MAN2A1: variants seen among roughly 807,000 people sequenced by gnomAD.
The protein encoded by MAN2A1 is mannosidase alpha class 2A member 1.
A neutral mutation model predicts 142.6 loss-of-function variants in MAN2A1; 76 were observed. The ratio of observed to expected loss-of-function variants is 0.53; its 90% CI spans 0.44 to 0.65. The LOEUF is 0.65. Ranked by LOEUF, MAN2A1 falls within the 30% of genes least tolerant of loss-of-function variation. The pLI is 0.00. For synonymous variants in MAN2A1, 559 were observed against 473.2 expected, an observed-to-expected ratio of 1.18 and a Z score of -2.35; for missense variants, 1,311 against 1,365.1, an observed-to-expected ratio of 0.96 and a Z score of 0.62.
At chr5:109,736,583 A>G (rs1338388793) in intron 4 of MAN2A1, among the ~76,000 whole-genome samples, 4 of 151,982 alleles carry the variant, frequency 2.6e-5, no homozygotes, top group African/African-American at 9.7e-5. Context: ...AATATTTCGT[A>G]TTTTCTAAGA....
chr5:109,729,770 A>G (rs1751849266), intron 4 of MAN2A1, among the ~76,000 whole-genome samples: 1 of 152,154 alleles, frequency 6.6e-6, no homozygotes, highest in Non-Finnish European at 1.5e-5. Context: ...AGGTGGGCGG[A>G]TCACCTGAGG....
At chr5:109,799,409 C>A (rs1266881729) in intron 12 of MAN2A1, among the ~76,000 whole-genome samples, 1 of 152,056 alleles carries the variant, frequency 6.6e-6, no homozygotes, top group Non-Finnish European at 1.5e-5. Flanking sequence ...CTTGGACACT[C>A]CATTTTTTGT....
At chr5:109,714,307 T>G (rs1124946) in intron 2 of MAN2A1, among the ~76,000 whole-genome samples, 113,201 of 151,974 alleles carry the variant, frequency 0.74, 43,372 homozygotes, top group East Asian at 0.94. Context: ...TGTGGCTTGA[T>G]ATGTGCTGTA....
At chr5:109,727,731 T>A (rs1193170837) in intron 3 of MAN2A1, among the ~76,000 whole-genome samples, 1 of 152,202 alleles carries the variant, frequency 6.6e-6, no homozygotes, top group African/African-American at 2.4e-5. Flanking sequence ...TCTGAGCACT[T>A]GATGTTTTTT....
rs967000881 is a variant in MAN2A1, at chr5:109,729,578, T to C, written c.707+65T>C. ...GCTTAATTGTACAATGAACTAAGTA[T>C]TGAATTTTTAGATGGTGAAAATTCT... On this transcript the variant is annotated intron_variant, in intron 4 of 21. Transcript: ENST00000261483. 7.2e-6 allele frequency: 6 copies of C among 837,660 alleles called. No individual in the cohort carries two copies. The African/African-American group carries it at 1.1e-4, about 15-fold the overall frequency. 51.9% of individuals were successfully genotyped at this position (837,660 alleles called of 1,614,324 possible).
chr5:109,693,137 A>G (rs940980760), intron 1 of MAN2A1, among the ~76,000 whole-genome samples: 1 of 152,084 alleles, frequency 6.6e-6, no homozygotes, highest in Non-Finnish European at 1.5e-5. Context: ...TTTTGAAGCC[A>G]TAATGAATAT....
intron 7 of MAN2A1, among the ~76,000 whole-genome samples, chr5:109,770,760 T>C (rs972942873): frequency 6.6e-6 from 1 of 152,114 alleles, no homozygotes; most frequent in Non-Finnish European, 1.5e-5. Context: ...TAGATCAATA[T>C]ACAATGGATA....
chr5:109,855,117 A>G, intron 19 of MAN2A1, 23 bp from the exon 20 acceptor site: 1 of 1,423,920 alleles, frequency 7.0e-7, no homozygotes, highest in East Asian at 2.6e-5. Flanking sequence ...GACCTCTTAA[A>G]CATTTTTGTT....
chr5:109,832,161 C>CTTTTTGTTTTT (rs1754924928), intron 16 of MAN2A1, among the ~76,000 whole-genome samples: 1 of 51,228 alleles, frequency 2.0e-5, no homozygotes, highest in Non-Finnish European at 3.7e-5. Context: ...AAGGAGTTTT[C>CTTTTTGTTTTT]TTTTTTTTTT....
intron 17 of MAN2A1, among the ~76,000 whole-genome samples, chr5:109,845,093 C>T (rs1181088837): frequency 6.6e-6 from 1 of 152,166 alleles, no homozygotes; most frequent in Non-Finnish European, 1.5e-5. Flanking sequence ...TAACTTTGTA[C>T]CTCTTCTTTT....
At chr5:109,805,727 C>T (rs1337558276) in intron 12 of MAN2A1, among the ~76,000 whole-genome samples, 7 of 152,196 alleles carry the variant, frequency 4.6e-5, no homozygotes, top group Middle Eastern at 3.2e-3. Flanking sequence ...CCCGAGGTCA[C>T]ATCCAGTTAA....
intron 8 of MAN2A1, among the ~76,000 whole-genome samples, chr5:109,777,791 C>G: frequency 6.6e-6 from 1 of 152,012 alleles, no homozygotes; most frequent in East Asian, 1.9e-4. Flanking sequence ...ATATCCAGCA[C>G]CATTTATTGA....
chr5:109,828,111 AAAAAAAAG>A (rs1312427962), intron 16 of MAN2A1, among the ~76,000 whole-genome samples: 1 of 144,114 alleles, frequency 6.9e-6, no homozygotes, highest in African/African-American at 2.4e-5. Flanking sequence ...TCTCAAAAAA[AAAAAAAAG>A]AAAAAAAGAA....
intron 4 of MAN2A1, among the ~76,000 whole-genome samples, chr5:109,746,374 A>T (rs1752404885): frequency 6.6e-6 from 1 of 152,178 alleles, no homozygotes; most frequent in African/African-American, 2.4e-5. Flanking sequence ...ATGCCCCAAT[A>T]TATACAAAGG....
rs896927324 is a variant in MAN2A1, at chr5:109,811,270, T to C, written c.1944-6003T>C. ...TCATCTATTATTAAGGATGTATGTA[T>C]ATTATAGAATTGTTTTGCCCATCTC... is the stretch of plus-strand genomic sequence containing the variant. On this transcript the variant is annotated intron_variant, in intron 12 of 21. Transcript: ENST00000261483. Among the ~76,000 whole-genome samples the C allele has an allele frequency of 2.0e-5, 3 of 152,238 alleles. No individual in the cohort carries two copies. The East Asian group carries it at 5.8e-4, about 29-fold the overall frequency.
chr5:109,766,882 A>G (rs1753007301), intron 5 of MAN2A1, among the ~76,000 whole-genome samples: 1 of 152,102 alleles, frequency 6.6e-6, no homozygotes, highest in African/African-American at 2.4e-5. Flanking sequence ...TGAAATTGAG[A>G]TATATCTTTA....
At position 109,807,623 on chromosome 5, in the gene MAN2A1, C is replaced by T. The variant is rs950608230; in HGVS notation, c.1944-9650C>T. On this transcript the variant is annotated intron_variant, in intron 12 of 21. Coordinates refer to ENST00000261483, the MANE Select transcript of MAN2A1 (RefSeq NM_002372.4). The stretch of plus-strand genomic sequence containing the variant: ...CACATAGTCTTCTTCTCTGTTGGAT[C>T]GTCCCTCTAATAAGGACCCTTGTAA... 1.2e-4 allele frequency among the ~76,000 whole-genome samples: 18 copies of T among 152,230 alleles called. No homozygotes were observed. In the East Asian group the frequency reaches 1.9e-3, roughly 16 times the overall value.
rs1755950793 is a variant in MAN2A1 at position 109,868,998 on chromosome 5, T to A, written c.*2000T>A. ...GCCACTTCTGGTTGTTTGCGATGGA[T>A]CTGTCCCATGTCAGTCTGGGGTTTT... On this transcript the variant is annotated 3_prime_UTR_variant, in exon 22 of 22. Transcript: ENST00000261483. The A allele has an allele frequency of 6.6e-6, 1 of 152,200 alleles. No homozygotes were observed. The highest frequency in any genetic ancestry group is 6.5e-5 in the Admixed American group (1 of 15,282). 9.4% of individuals were successfully genotyped at this position (152,200 alleles called of 1,614,324 possible).
At chr5:109,851,105 G>A (rs1379855311) in intron 19 of MAN2A1, among the ~76,000 whole-genome samples, 2 of 152,138 alleles carry the variant, frequency 1.3e-5, no homozygotes, top group African/African-American at 4.8e-5. Context: ...GCATGACAGA[G>A]CCTCATGGAA....
Sources: gnomAD v4.1 joint callset for allele counts (sites outside exome capture counted in the v4.1 genomes callset) on GRCh38, gnomAD v4.1.1 for gene constraint, MANE v1.5 for transcripts, NCBI Gene and HGNC (gene_info 2026-07-23, HGNC 2026-07-21) for gene names.